Variants in ZNF445 observed in about 807,000 individuals in gnomAD.
The protein encoded by ZNF445 is zinc finger protein 168.
Under a neutral mutation model 93.9 loss-of-function variants are expected in ZNF445, and 19 were observed. That is an observed-to-expected ratio of 0.20 (90% confidence interval 0.14 to 0.30). ZNF445 has a LOEUF of 0.30. Ranked by LOEUF, ZNF445 falls within the 10% of genes least tolerant of loss-of-function variation. ZNF445 has a pLI of 1.00. For synonymous variants in ZNF445, 449 were observed against 446.3 expected, an observed-to-expected ratio of 1.01 and a Z score of -0.08; for missense variants, 1,058 against 1,259.4, an observed-to-expected ratio of 0.84 and a Z score of 2.42.
Position 44,450,511 on chromosome 3 carries a change from G to A in ZNF445, c.756C>T (p.Asp252=). The A allele has an allele frequency of 6.2e-7, 1 of 1,614,194 alleles. No individual in the cohort carries two copies. Among genetic ancestry groups the A allele is most frequent in the Non-Finnish European group, 8.5e-7 (1 of 1,180,026 alleles). ...TFSQDEWGWL[D]SAQRNLYRDV... ...CCCTGTACAGGTTCCTCTGAGCAGA[G>A]TCCAGCCACCCCCACTCGTCCTGGG... The change falls in exon 6 of 8, where the codon GAC becomes GAT. Residue 252 remains aspartate, a synonymous_variant. Transcript: ENST00000396077.
intron 1 of ZNF445, 125 bp downstream of exon 1, chr3:44,477,466 C>A (rs919442823): frequency 6.6e-6 from 1 of 152,034 alleles, no homozygotes; most frequent in Non-Finnish European, 1.5e-5. Flanking sequence ...ACCCCCGCCA[C>A]GGGCGCAGCC....
rs1697865242 is a variant in ZNF445, at chr3:44,445,267, G to A, written c.*1308C>T. 6.6e-6 allele frequency: 1 copy of A among 152,314 alleles called. No individual in the cohort carries two copies. The highest frequency in any genetic ancestry group is 1.5e-5 in the Non-Finnish European group (1 of 68,128). The allele number at this position is 152,314 out of a possible 1,614,324, so 9.4% of individuals were successfully genotyped here. A position where few individuals can be genotyped will look rare whatever the true frequency, so the allele number is the denominator to read the frequency against. ...ATAGAAAATTCAGAAACGGAGTGGG[G>A]AGGAGTCTGATTTATGGGAACTGGC... On this transcript the variant is annotated 3_prime_UTR_variant, in exon 8 of 8. Coordinates refer to ENST00000396077, the MANE Select transcript of ZNF445 (RefSeq NM_181489.6).
Position 44,440,106 on chromosome 3 carries a change from C to T in ZNF445, c.*6469G>A, listed in dbSNP as rs929723854. Reference sequence around the variant, plus strand: ...GGTGGCAGCTGCTTAGCAGTTGCTACCTCCAAGACACCTTGGCATTTTCTT... The same window carrying T: ...GGTGGCAGCTGCTTAGCAGTTGCTATCTCCAAGACACCTTGGCATTTTCTT... On this transcript the variant is annotated 3_prime_UTR_variant, in exon 8 of 8. Transcript: ENST00000396077. 6.6e-6 allele frequency: 1 copy of T among 152,218 alleles called. No homozygotes were observed. Among genetic ancestry groups the T allele is most frequent in the Non-Finnish European group, 1.5e-5 (1 of 68,034 alleles). The allele number at this position is 152,218 out of a possible 1,614,324, so 9.4% of individuals were successfully genotyped here.
intron 1 of ZNF445, among the ~76,000 whole-genome samples, chr3:44,476,423 G>A (rs138653802): frequency 6.6e-6 from 1 of 150,684 alleles, no homozygotes; most frequent in African/African-American, 2.4e-5. Context: ...TAACATAAAA[G>A]AGCAGCCTAA....
chr3:44,453,221 T>C (rs1324855028), intron 3 of ZNF445, among the ~76,000 whole-genome samples: 1 of 151,560 alleles, frequency 6.6e-6, no homozygotes, highest in Non-Finnish European at 1.5e-5. Flanking sequence ...ACAACTTTCA[T>C]TTATACATGA....
At chr3:44,474,888 T>G (rs963442367) in intron 1 of ZNF445, among the ~76,000 whole-genome samples, 3 of 151,958 alleles carry the variant, frequency 2.0e-5, no homozygotes, top group Admixed American at 2.0e-4. Context: ...TCCTAGTACT[T>G]TGGACGGCCG....
At chr3:44,449,663 T>A in intron 6 of ZNF445, 40 bp from the exon 7 acceptor site, 1 of 1,530,090 alleles carries the variant, frequency 6.5e-7, no homozygotes, top group South Asian at 1.1e-5. Flanking sequence ...GGGAGATGGA[T>A]GACACAGAAC....
In ZNF445 at chr3:44,434,267, A is replaced by G. The variant is rs2125672344; in HGVS notation, c.*12308T>C. The G allele has an allele frequency of 6.6e-6, 1 of 150,752 alleles. No individual in the cohort carries two copies. Among genetic ancestry groups the G allele is most frequent in the South Asian group, 2.1e-4 (1 of 4,776 alleles). The allele number at this position is 150,752 out of a possible 1,614,324, so 9.3% of individuals were successfully genotyped here. A position where few individuals can be genotyped will look rare whatever the true frequency, so the allele number is the denominator to read the frequency against. On this transcript the variant is annotated 3_prime_UTR_variant, in exon 8 of 8. Coordinates refer to ENST00000396077, the MANE Select transcript of ZNF445 (RefSeq NM_181489.6). ...GCCTTTACCAAAAAAAAAAAAAAAAAAATTAGCCGGGCGTGGTGGCGCACA... is the reference window on the plus strand; with the variant it reads ...GCCTTTACCAAAAAAAAAAAAAAAAGAATTAGCCGGGCGTGGTGGCGCACA...
At chr3:44,469,313 T>C (rs1345372820) in intron 1 of ZNF445, among the ~76,000 whole-genome samples, 2 of 152,196 alleles carry the variant, frequency 1.3e-5, no homozygotes, top group Non-Finnish European at 2.9e-5. Flanking sequence ...TTGCAATGTG[T>C]TGGTCCCTCG....
chr3:44,470,404 T>C (rs1452096506), intron 1 of ZNF445, among the ~76,000 whole-genome samples: 1 of 152,204 alleles, frequency 6.6e-6, no homozygotes, highest in African/African-American at 2.4e-5. Context: ...TACCTATAAC[T>C]ACTCAAAGAA....
intron 1 of ZNF445, among the ~76,000 whole-genome samples, chr3:44,465,749 C>T (rs1020550227): frequency 1.3e-5 from 2 of 152,064 alleles, no homozygotes; most frequent in Non-Finnish European, 2.9e-5. Flanking sequence ...CCCATCTCTA[C>T]TAAAAATACA....
chr3:44,467,246 C>T (rs1698208878), intron 1 of ZNF445, among the ~76,000 whole-genome samples: 1 of 152,134 alleles, frequency 6.6e-6, no homozygotes, highest in African/African-American at 2.4e-5. Flanking sequence ...CATATTTGTT[C>T]CTTTCTACCT....
At position 44,448,418 on chromosome 3, in the gene ZNF445, C is replaced by T. The variant is rs566070777; in HGVS notation, c.1253G>A (p.Gly418Asp). 1.2e-6 allele frequency: 2 copies of T among 1,614,156 alleles called. No homozygotes were observed. The highest frequency in any genetic ancestry group is 1.7e-6 in the Non-Finnish European group (2 of 1,180,040). Residue 418 changes from glycine to aspartate, a missense_variant, in exon 8 of 8, where the codon GGC becomes GAC. Gly to Asp is a moderately conservative substitution (Grantham distance 94). Around this residue, in one of 3 missense-constraint regions of ZNF445, gnomAD observed 657 missense variants for 746.4 expected, o/e 0.88. Coordinates refer to ENST00000396077, the MANE Select transcript of ZNF445 (RefSeq NM_181489.6). Reference sequence around the variant, plus strand: ...GTGTGAACTCATTCTGAAGTGTTTGCCACAGCCATGTTTAAGGGATTCCTT... The same window carrying T: ...GTGTGAACTCATTCTGAAGTGTTTGTCACAGCCATGTTTAAGGGATTCCTT... The part of the protein sequence containing the change: ...GRKESLKHGC[G>D]KHFRMSSHHY...
rs776202388 is a variant in ZNF445 at position 44,450,908 on chromosome 3, T to C, written c.653A>G (p.Asp218Gly). 2.5e-6 allele frequency: 4 copies of C among 1,597,612 alleles called. No homozygotes were observed. The highest frequency in any genetic ancestry group is 2.6e-6 in the Non-Finnish European group (3 of 1,172,626). The change falls in exon 5 of 8, where the codon GAC (aspartate) becomes GGC (glycine). Residue 218 changes from aspartate to glycine, a missense_variant. Transcript: ENST00000396077. Reference protein sequence around the residue: ...ALFPREGCPGDQVTPTRSLTA... With the variant: ...ALFPREGCPGGQVTPTRSLTA... ...CAGGGACCTGGTTGGTGTTACCTGGTCTCCCGGGCACCCCTCTCTCGGGAA... is the reference window on the plus strand; with the variant it reads ...CAGGGACCTGGTTGGTGTTACCTGGCCTCCCGGGCACCCCTCTCTCGGGAA...
At chr3:44,473,490 C>CACACACACACACACACAAAA (rs774842477) in intron 1 of ZNF445, among the ~76,000 whole-genome samples, 1 of 56,930 alleles carries the variant, frequency 1.8e-5, no homozygotes, top group African/African-American at 4.4e-5. Context: ...CACACACACA[C>CACACACACACACACACAAAA]AAAAAATGCT....
Position 44,440,654 on chromosome 3 carries a change from T to A in ZNF445, c.*5921A>T, listed in dbSNP as rs982548271. The stretch of plus-strand genomic sequence containing the variant: ...CCAAGAGAGAGTTCTTGGACCTTGC[T>A]CAAGAAAAGAATTCGGGCGAGTCCA... On this transcript the variant is annotated 3_prime_UTR_variant, in exon 8 of 8. Coordinates refer to ENST00000396077, the MANE Select transcript of ZNF445 (RefSeq NM_181489.6). The A allele has an allele frequency of 1.3e-5, 2 of 152,216 alleles. No individual in the cohort carries two copies. Among genetic ancestry groups the A allele is most frequent in the Non-Finnish European group, 2.9e-5 (2 of 68,048 alleles). 9.4% of individuals were successfully genotyped at this position (152,216 alleles called of 1,614,324 possible).
Position 44,448,176 on chromosome 3 carries a change from G to A in ZNF445, c.1495C>T (p.His499Tyr), listed in dbSNP as rs964719490. The change falls in exon 8 of 8, where the codon CAT (histidine) becomes TAT (tyrosine). Residue 499 changes from histidine to tyrosine, a missense_variant. His to Tyr is a moderately conservative substitution (Grantham distance 83). Coordinates refer to ENST00000396077, the MANE Select transcript of ZNF445 (RefSeq NM_181489.6). ...DCGRTFSHSSHLAYHQRLHTQ... is the reference protein window; with the variant it reads ...DCGRTFSHSSYLAYHQRLHTQ... ...TGAAGTCTCTGATGATACGCAAGAT[G>A]GGAGCTATGACTGAAAGTCCTTCCA... The A allele has an allele frequency of 3.7e-6, 6 of 1,614,014 alleles. No individual in the cohort carries two copies. The highest frequency in any genetic ancestry group is 4.2e-6 in the Non-Finnish European group (5 of 1,180,038).
chr3:44,441,818 C>A lies in ZNF445; in HGVS notation c.*4757G>T, dbSNP rs1176798294. 2 of 152,192 alleles carry A rather than the reference C, an allele frequency of 1.3e-5. No homozygotes were observed. The highest frequency in any genetic ancestry group is 2.9e-5 in the Non-Finnish European group (2 of 68,038). The allele number at this position is 152,192 out of a possible 1,614,324, so 9.4% of individuals were successfully genotyped here. ...CTCCCCAAATCCATCAGGTCTCCTGCCTTAGGAAGGCAGAATGGTGACTTG... is the reference window on the plus strand; with the variant it reads ...CTCCCCAAATCCATCAGGTCTCCTGACTTAGGAAGGCAGAATGGTGACTTG... On this transcript the variant is annotated 3_prime_UTR_variant, in exon 8 of 8. Coordinates refer to ENST00000396077, the MANE Select transcript of ZNF445 (RefSeq NM_181489.6).
In ZNF445 at chr3:44,443,453, G is replaced by A; in HGVS notation, c.*3122C>T. 1 of 152,226 alleles carries A rather than the reference G, an allele frequency of 6.6e-6. No homozygotes were observed. The highest frequency in any genetic ancestry group is 1.5e-5 in the Non-Finnish European group (1 of 68,040). 9.4% of individuals were successfully genotyped at this position (152,226 alleles called of 1,614,324 possible). On this transcript the variant is annotated 3_prime_UTR_variant, in exon 8 of 8. Transcript: ENST00000396077. ...TCTGTTCTTTTGGCCGGGCACAGTG[G>A]CTCACACCTGTAATCCCAGCATTTT...
Sources: gnomAD v4.1 joint callset for allele counts (sites outside exome capture counted in the v4.1 genomes callset) on GRCh38, gnomAD v4.1.1 for gene constraint, gnomAD v4.1.1 regional missense constraint, MANE v1.5 for transcripts, NCBI Gene and HGNC (gene_info 2026-07-23, HGNC 2026-07-21) for gene names.